Variants in NELL1 observed in about 807,000 individuals in gnomAD.
The protein encoded by NELL1 is protein kinase C-binding protein NELL1.
Under a neutral mutation model 107.4 loss-of-function variants are expected in NELL1, and 76 were observed. That is an observed-to-expected ratio of 0.71 (90% CI 0.59 to 0.86). The LOEUF is 0.86. Among genes scored for constraint, NELL1 ranks in the 40% least tolerant of loss-of-function variants. The pLI, the probability that NELL1 is intolerant of heterozygous loss-of-function variation, is 0.00. For synonymous variants in NELL1, 353 were observed against 341.2 expected (o/e 1.03, Z -0.38); for missense variants, 1,024 against 1,005.5 (o/e 1.02, Z -0.25).
In NELL1 at chr11:20,919,292, A is replaced by T. The variant is rs1419918791; in HGVS notation, c.717A>T (p.Gly239=). ...TCSDFLSLVQ[G]IMDLQELLAK... is the part of the protein sequence containing the mutation. Reference sequence around the variant, plus strand: ...GTGATTTCTTAAGCCTGGTGCAAGGAATAATGGATTTACAAGAGCTTTTGG... The same window carrying T: ...GTGATTTCTTAAGCCTGGTGCAAGGTATAATGGATTTACAAGAGCTTTTGG... The change falls in exon 7 of 20, where the codon GGA becomes GGT. Residue 239 remains glycine, a synonymous_variant. Transcript: ENST00000357134. The T allele has an allele frequency of 1.2e-6, 2 of 1,607,412 alleles. No individual in the cohort carries two copies. Among genetic ancestry groups the T allele is most frequent in the Non-Finnish European group, 1.7e-6 (2 of 1,176,086 alleles).
chr11:21,035,159 C>T (rs1853058081), intron 12 of NELL1, among the ~76,000 whole-genome samples: 1 of 152,044 alleles, frequency 6.6e-6, no homozygotes, highest in Admixed American at 6.6e-5. Flanking sequence ...CATACACCCT[C>T]CCAAGACTGA....
At chr11:21,182,944 A>G (rs1465658395) in intron 13 of NELL1, among the ~76,000 whole-genome samples, 2 of 151,880 alleles carry the variant, frequency 1.3e-5, no homozygotes, top group Non-Finnish European at 2.9e-5. Context: ...AGAAGAAGCT[A>G]AAAGGGAACA....
At chr11:20,682,449 G>A (rs867032200) in intron 2 of NELL1, among the ~76,000 whole-genome samples, 2 of 151,672 alleles carry the variant, frequency 1.3e-5, no homozygotes, top group Middle Eastern at 3.2e-3. Context: ...AACACATTCC[G>A]ATTTGCATGC....
chr11:21,542,245 G>A lies in NELL1; in HGVS notation c.1786+7731G>A, dbSNP rs77961478. Among the ~76,000 whole-genome samples the A allele has an allele frequency of 8.0e-3, 1,217 of 152,094 alleles. 35 individuals are homozygous for A. The highest frequency in any genetic ancestry group is 0.077 in the East Asian group (396 of 5,148). On this transcript the variant is annotated intron_variant, in intron 16 of 19. Transcript: ENST00000357134. ...ACGAAGAGAACTTGTCCCAAATTCC[G>A]CAGCTGATAAATGGCACACAGAAGC... is the stretch of plus-strand genomic sequence containing the variant.
rs141016228 is a variant in NELL1, at chr11:20,823,849, C to T, written c.336-23734C>T. 2.7e-4 allele frequency among the ~76,000 whole-genome samples: 41 copies of T among 151,200 alleles called. 1 individual carries two copies. The East Asian group carries it at 6.8e-3, about 25-fold the overall frequency. ...TTCAGAAATGCCCCTGCACCTGCCC[C>T]GAAGAAAGCCTCACACAATCTAAAT... On this transcript the variant is annotated intron_variant, in intron 3 of 19. Transcript: ENST00000357134.
chr11:21,426,784 G>A (rs1852832730), intron 15 of NELL1, among the ~76,000 whole-genome samples: 2 of 152,134 alleles, frequency 1.3e-5, no homozygotes, highest in African/African-American at 4.8e-5. Flanking sequence ...TTTTATTATA[G>A]GAAATTGATC....
chr11:20,999,162 G>A (rs900654554), intron 12 of NELL1, among the ~76,000 whole-genome samples: 2 of 152,170 alleles, frequency 1.3e-5, no homozygotes, highest in African/African-American at 4.8e-5. Flanking sequence ...TTCCAAGCCT[G>A]TAAGACTCTC....
intron 12 of NELL1, among the ~76,000 whole-genome samples, chr11:21,007,410 CACAG>C (rs1163353577): frequency 1.4e-5 from 2 of 147,070 alleles, no homozygotes; most frequent in African/African-American, 2.5e-5. Context: ...CACACACACA[CACAG>C]ACAGACACGC....
intron 5 of NELL1, among the ~76,000 whole-genome samples, chr11:20,904,082 A>C (rs532678038): frequency 6.6e-6 from 1 of 152,140 alleles, no homozygotes; most frequent in Admixed American, 6.6e-5. Context: ...GGACTATGTG[A>C]AGAACTGATA....
At chr11:21,299,352 A>G (rs946961103) in intron 14 of NELL1, among the ~76,000 whole-genome samples, 3 of 151,956 alleles carry the variant, frequency 2.0e-5, no homozygotes, top group Admixed American at 6.6e-5. Flanking sequence ...TGCTCCTTCC[A>G]GGATCACAGT....
intron 9 of NELL1, 30 bp from the exon 10 acceptor site, chr11:20,937,756 T>A: frequency 6.4e-7 from 1 of 1,573,190 alleles, no homozygotes; most frequent in South Asian, 1.1e-5. Context: ...ACAGCAGGAC[T>A]GTCTGACCCA....
At position 20,725,491 on chromosome 11, in the gene NELL1, G is replaced by A. The variant is rs138151040; in HGVS notation, c.184+47431G>A. On this transcript the variant is annotated intron_variant, in intron 2 of 19. Transcript: ENST00000357134. ...GGCGGCAGCAATCTGCTGGATCACC[G>A]TGGGAATTGTGTAAGCTAATGAGAG... is the stretch of plus-strand genomic sequence containing the variant. Among the ~76,000 whole-genome samples, 1,018 of 152,294 alleles carry A rather than the reference G, an allele frequency of 6.7e-3. 8 individuals carry two copies. The highest frequency in any genetic ancestry group is 0.016 in the Admixed American group (241 of 15,302).
At chr11:21,328,156 A>G (rs1850187180) in intron 14 of NELL1, among the ~76,000 whole-genome samples, 1 of 152,140 alleles carries the variant, frequency 6.6e-6, no homozygotes, top group Non-Finnish European at 1.5e-5. Flanking sequence ...CCCTCCCATC[A>G]CAGGCCTGGA....
chr11:20,904,118 T>G (rs1849938877), intron 5 of NELL1, among the ~76,000 whole-genome samples: 1 of 152,012 alleles, frequency 6.6e-6, no homozygotes, highest in Admixed American at 6.6e-5. Context: ...TCAGAACGAG[T>G]TAGTGGGTGC....
intron 16 of NELL1, among the ~76,000 whole-genome samples, chr11:21,549,917 G>A (rs58530376): frequency 0.14 from 20,366 of 142,272 alleles, 1,456 homozygotes; most frequent in African/African-American, 0.22. Flanking sequence ...GTGAATAAAA[G>A]AGTGGAAAAA....
At chr11:21,116,594 C>T (rs941971107) in intron 13 of NELL1, among the ~76,000 whole-genome samples, 6 of 151,988 alleles carry the variant, frequency 3.9e-5, no homozygotes, top group Admixed American at 3.3e-4. Context: ...CAACTTCTCC[C>T]ATTCCAGCAA....
intron 14 of NELL1, among the ~76,000 whole-genome samples, chr11:21,275,776 A>G (rs2226910): frequency 0.82 from 124,019 of 152,150 alleles, 51,599 homozygotes; most frequent in Non-Finnish European, 0.9. Flanking sequence ...AATCCAGCAT[A>G]TAAACAGAAC....
At chr11:20,878,275 T>C (rs1298881845) in intron 4 of NELL1, among the ~76,000 whole-genome samples, 4 of 139,360 alleles carry the variant, frequency 2.9e-5, no homozygotes, top group African/African-American at 7.8e-5. Context: ...CAGGAAATGG[T>C]GTGAACCCGT....
At chr11:21,343,207 A>C (rs540347906) in intron 14 of NELL1, among the ~76,000 whole-genome samples, 1 of 151,946 alleles carries the variant, frequency 6.6e-6, no homozygotes, top group Non-Finnish European at 1.5e-5. Flanking sequence ...CCAGCATGGC[A>C]TACAAGATTC....
Sources: allele counts gnomAD v4.1 joint callset (sites outside exome capture counted in the v4.1 genomes callset), GRCh38; gene constraint gnomAD v4.1.1; transcripts MANE v1.5; gene names NCBI Gene and HGNC (gene_info 2026-07-23, HGNC 2026-07-21).